The following CXADR variants were observed in gnomAD, a reference collection of about 807,000 sequenced individuals.
CXADR encodes the protein coxsackievirus and adenovirus receptor.
Under a neutral mutation model 40.3 loss-of-function variants are expected in CXADR, and 20 were observed. The observed-to-expected ratio is 0.50, with a 90% CI of 0.35 to 0.72. CXADR has a LOEUF of 0.72. Among genes scored for constraint, CXADR ranks in the 30% least tolerant of loss-of-function variants. CXADR has a pLI of 0.01. For synonymous variants in CXADR, 150 were observed against 161.3 expected (o/e 0.93, Z 0.53); for missense variants, 332 against 449.1 (o/e 0.74, Z 2.36).
chr21:17,569,928 T>G lies in CXADR; in HGVS notation c.*4236T>G. The G allele has an allele frequency of 4.1e-6, 4 of 985,444 alleles. No individual in the cohort carries two copies. The highest frequency in any genetic ancestry group is 4.8e-6 in the Non-Finnish European group (4 of 829,924). The allele number at this position is 985,444 out of a possible 1,614,324, so 61.0% of individuals were successfully genotyped here. On this transcript the variant is annotated 3_prime_UTR_variant, in exon 7 of 7. Coordinates refer to ENST00000284878, the MANE Select transcript of CXADR (RefSeq NM_001338.5). ...GAGGAAAATATTCTGACACTTCACGTGTGCAAAGTATAGAACTGACAGTGT... is the reference window on the plus strand; with the variant it reads ...GAGGAAAATATTCTGACACTTCACGGGTGCAAAGTATAGAACTGACAGTGT...
intron 7 of CXADR, among the ~76,000 whole-genome samples, chr21:17,575,996 G>A (rs1290206569): frequency 6.7e-6 from 1 of 149,054 alleles, no homozygotes; most frequent in Admixed American, 6.8e-5. Flanking sequence ...GCTGAGGCAG[G>A]AGAATCACTT....
chr21:17,542,361 T>C (rs1569104032), intron 1 of CXADR, among the ~76,000 whole-genome samples: 1 of 152,192 alleles, frequency 6.6e-6, no homozygotes. Flanking sequence ...GAAGAATAGC[T>C]TCTTCCATTC....
At chr21:17,516,270 G>A (rs929999996) in intron 1 of CXADR, among the ~76,000 whole-genome samples, 2 of 152,150 alleles carry the variant, frequency 1.3e-5, no homozygotes, top group African/African-American at 4.8e-5. Flanking sequence ...TTGAATCTGT[G>A]TTCTCATCAC....
In CXADR at chr21:17,525,168, A is replaced by G. The variant is rs557647357; in HGVS notation, c.43+11996A>G. 7.9e-5 allele frequency among the ~76,000 whole-genome samples: 12 copies of G among 152,332 alleles called. No homozygotes were observed. The South Asian group carries it at 2.5e-3, about 32-fold the overall frequency. ...TTAACAATTAAATTAACCAACATTT[A>G]TACATACTAAGAAAATGCAAATTTC... On this transcript the variant is annotated intron_variant, in intron 1 of 6. Coordinates refer to ENST00000284878, the MANE Select transcript of CXADR (RefSeq NM_001338.5).
the CXADR span, among the ~76,000 whole-genome samples, chr21:17,636,114 C>T: frequency 6.6e-6 from 1 of 152,042 alleles, no homozygotes; most frequent in South Asian, 2.1e-4. Context: ...TAAAGAAATG[C>T]AATTGGTTTT....
intron 6 of CXADR, among the ~76,000 whole-genome samples, chr21:17,563,257 A>G (rs1297953959): frequency 6.6e-6 from 1 of 152,152 alleles, no homozygotes; most frequent in Non-Finnish European, 1.5e-5. Flanking sequence ...ACTGCACCCT[A>G]CCGTGGTTGA....
chr21:17,605,133 C>G, the CXADR span: 1 of 961,010 alleles, frequency 1.0e-6, no homozygotes, highest in African/African-American at 1.7e-5. Flanking sequence ...AGGAGCATAT[C>G]TATCCTAAAC....
chr21:17,593,140 TTC>T (rs761493696), intron 7 of CXADR: 116 of 1,410,522 alleles, frequency 8.2e-5, no homozygotes, highest in Admixed American at 3.3e-4. Context: ...ATCTCTTTTT[TTC>T]TTTTTGTAGT....
chr21:17,601,179 T>C, the CXADR span, among the ~76,000 whole-genome samples: 1 of 143,874 alleles, frequency 7.0e-6, no homozygotes, highest in Admixed American at 6.9e-5. Context: ...AAAAAAAAAG[T>C]TGCTACGGGA....
the CXADR span, among the ~76,000 whole-genome samples, chr21:17,610,295 G>C: frequency 6.6e-6 from 1 of 152,172 alleles, no homozygotes; most frequent in Non-Finnish European, 1.5e-5. Flanking sequence ...CCATTGAACT[G>C]TACATTTTAA....
At chr21:17,594,663 C>T (rs1051462703), downstream of CXADR, among the ~76,000 whole-genome samples, 3 of 152,102 alleles carry the variant, frequency 2.0e-5, no homozygotes, top group African/African-American at 7.2e-5. Context: ...CCACAGCTGG[C>T]TAAGCCAGGA....
At chr21:17,580,017 C>G (rs1024997326) in intron 7 of CXADR, among the ~76,000 whole-genome samples, 1 of 152,038 alleles carries the variant, frequency 6.6e-6, no homozygotes, top group Non-Finnish European at 1.5e-5. Flanking sequence ...GAGATGGGAT[C>G]TTGCTATGTT....
At chr21:17,632,630 G>A in the CXADR span, among the ~76,000 whole-genome samples, 2 of 152,192 alleles carry the variant, frequency 1.3e-5, no homozygotes, top group East Asian at 1.9e-4. Context: ...CACTTTGGGA[G>A]GCCGAGGCGG....
At chr21:17,600,911 C>T in the CXADR span, among the ~76,000 whole-genome samples, 2 of 152,124 alleles carry the variant, frequency 1.3e-5, no homozygotes, top group African/African-American at 2.4e-5. Context: ...TGCCTGTAAT[C>T]CCAGCACTTT....
chr21:17,526,631 T>C (rs1342413070), intron 1 of CXADR, among the ~76,000 whole-genome samples: 1 of 152,220 alleles, frequency 6.6e-6, no homozygotes, highest in Admixed American at 6.5e-5. Context: ...ATACCAAGAT[T>C]GGGGCAATCA....
At chr21:17,562,522 A>G (rs1034276806) in intron 6 of CXADR, among the ~76,000 whole-genome samples, 1 of 152,210 alleles carries the variant, frequency 6.6e-6, no homozygotes. Flanking sequence ...GGGTTTCACC[A>G]TGTTGCCAAG....
intron 6 of CXADR, among the ~76,000 whole-genome samples, chr21:17,563,769 G>A (rs192697867): frequency 6.6e-5 from 10 of 151,084 alleles, no homozygotes; most frequent in African/African-American, 2.2e-4. Context: ...GTGAAACCCC[G>A]TCTCTACTAA....
At chr21:17,624,503 C>T in the CXADR span, among the ~76,000 whole-genome samples, 1 of 152,152 alleles carries the variant, frequency 6.6e-6, no homozygotes. Flanking sequence ...AGAAACAGTG[C>T]ATGCTATCCT....
chr21:17,552,172 A>G (rs1036061611), intron 3 of CXADR, among the ~76,000 whole-genome samples: 5 of 152,210 alleles, frequency 3.3e-5, no homozygotes, highest in Admixed American at 1.3e-4. Context: ...GAAATTCATA[A>G]GAGTTTGAAA....
Sources: gnomAD v4.1 joint callset for allele counts (sites outside exome capture counted in the v4.1 genomes callset) on GRCh38, gnomAD v4.1.1 for gene constraint, MANE v1.5 for transcripts, NCBI Gene and HGNC (gene_info 2026-07-23, HGNC 2026-07-21) for gene names.